Variants in SPIDR observed in about 807,000 individuals in gnomAD.
The protein encoded by SPIDR is scaffold protein involved in DNA repair.
In SPIDR, 93 loss-of-function variants were observed where a neutral mutation model predicts 104.6. The observed-to-expected ratio is 0.89, with a 90% CI of 0.75 to 1.06. The LOEUF (loss-of-function observed/expected upper bound fraction) is 1.06, where lower values mean the gene tolerates loss of function less well. SPIDR is among the 50% of genes least tolerant of loss of function. The pLI is 0.00. For synonymous variants in SPIDR, 431 were observed against 416.9 expected (o/e 1.03, Z -0.41); for missense variants, 1,154 against 1,111.2 (o/e 1.04, Z -0.55).
At chr8:47,511,375 C>T in intron 8 of SPIDR, 1 of 964,244 alleles carries the variant, frequency 1.0e-6, no homozygotes, top group Non-Finnish European at 1.7e-6. Flanking sequence ...CGGTGTCTGA[C>T]CCTCGCCAGT....
At chr8:47,442,438 G>A (rs1247422940) in intron 8 of SPIDR, among the ~76,000 whole-genome samples, 2 of 152,140 alleles carry the variant, frequency 1.3e-5, no homozygotes, top group African/African-American at 4.8e-5. Flanking sequence ...CAGATTGATA[G>A]GTTTTTTAGG....
At chr8:47,480,503 G>A (rs1207961556) in intron 8 of SPIDR, among the ~76,000 whole-genome samples, 2 of 152,218 alleles carry the variant, frequency 1.3e-5, no homozygotes, top group African/African-American at 4.8e-5. Context: ...TCTTAAAAAT[G>A]AGGAAATTCC....
chr8:47,394,952 A>G (rs902420662), intron 5 of SPIDR, among the ~76,000 whole-genome samples: 1 of 152,196 alleles, frequency 6.6e-6, no homozygotes, highest in Non-Finnish European at 1.5e-5. Context: ...TTAGAAATTT[A>G]GACATTTACT....
intron 5 of SPIDR, among the ~76,000 whole-genome samples, chr8:47,297,978 T>C (rs2041215419): frequency 1.3e-5 from 2 of 152,202 alleles, no homozygotes; most frequent in Non-Finnish European, 2.9e-5. Flanking sequence ...TACCCAGTAA[T>C]GGGATGGCTG....
intron 14 of SPIDR, among the ~76,000 whole-genome samples, chr8:47,706,121 G>A (rs905885626): frequency 5.3e-5 from 8 of 152,140 alleles, no homozygotes; most frequent in African/African-American, 1.4e-4. Context: ...AGCTGGGCGC[G>A]GTGGCTCACA....
intron 5 of SPIDR, among the ~76,000 whole-genome samples, chr8:47,306,929 G>A (rs1482604795): frequency 2.0e-5 from 3 of 152,076 alleles, no homozygotes; most frequent in Non-Finnish European, 2.9e-5. Flanking sequence ...GTTAGTATTT[G>A]CATGGAATAT....
At chr8:47,692,487 CTTTT>C (rs1171012398) in intron 11 of SPIDR, among the ~76,000 whole-genome samples, 308 of 119,270 alleles carry the variant, frequency 2.6e-3, no homozygotes, top group African/African-American at 9.7e-3. Flanking sequence ...TCAGAATTTC[CTTTT>C]TTTTTTTTTT....
At chr8:47,605,317 G>T (rs768610179) in intron 10 of SPIDR, among the ~76,000 whole-genome samples, 1 of 152,194 alleles carries the variant, frequency 6.6e-6, no homozygotes, top group Non-Finnish European at 1.5e-5. Context: ...CCAGATTTGG[G>T]AGGAGTTGCT....
rs587602689 is a variant in SPIDR at position 47,309,084 on chromosome 8, G to A, written c.525+15054G>A. ...CATCTTCCCAGAATCCTCTGATTGC[G>A]TATAAGTTACCTATAGTTGAAAGAG... On this transcript the variant is annotated intron_variant, in intron 5 of 19. Transcript: ENST00000297423. Among the ~76,000 whole-genome samples the A allele has an allele frequency of 1.3e-4, 20 of 152,290 alleles. No homozygotes were observed. The South Asian group carries it at 1.7e-3, about 13-fold the overall frequency.
At chr8:47,354,013 T>C (rs192001814) in intron 5 of SPIDR, among the ~76,000 whole-genome samples, 133 of 152,310 alleles carry the variant, frequency 8.7e-4, no homozygotes, top group African/African-American at 2.9e-3. Flanking sequence ...TTGATACTAG[T>C]ATCACATTCT....
chr8:47,392,474 T>C (rs560478711), intron 5 of SPIDR, among the ~76,000 whole-genome samples: 1 of 152,234 alleles, frequency 6.6e-6, no homozygotes, highest in Non-Finnish European at 1.5e-5. Flanking sequence ...TTCTTTATAC[T>C]GCTGTAGCAG....
At chr8:47,598,389 T>C (rs1036173999) in intron 9 of SPIDR, among the ~76,000 whole-genome samples, 1 of 152,190 alleles carries the variant, frequency 6.6e-6, no homozygotes, top group East Asian at 1.9e-4. Context: ...TAAGCATGTT[T>C]AATATGTACA....
chr8:47,336,024 T>C (rs1587216440), intron 5 of SPIDR, among the ~76,000 whole-genome samples: 1 of 152,120 alleles, frequency 6.6e-6, no homozygotes, highest in South Asian at 2.1e-4. Context: ...TTCTCAGTCA[T>C]TGTTGTTTCA....
intron 10 of SPIDR, among the ~76,000 whole-genome samples, chr8:47,648,784 A>T (rs1361851305): frequency 6.6e-6 from 1 of 152,238 alleles, no homozygotes; most frequent in Non-Finnish European, 1.5e-5. Context: ...AGAGTCCCCA[A>T]CTAGCCAAAT....
At chr8:47,711,497 T>C (rs2081882240) in intron 14 of SPIDR, among the ~76,000 whole-genome samples, 1 of 152,016 alleles carries the variant, frequency 6.6e-6, no homozygotes, top group South Asian at 2.1e-4. Flanking sequence ...TTGAGACTGC[T>C]CCTGAGTCAC....
chr8:47,463,743 A>G (rs1461026233), intron 8 of SPIDR, among the ~76,000 whole-genome samples: 2 of 152,234 alleles, frequency 1.3e-5, no homozygotes, highest in Non-Finnish European at 2.9e-5. Context: ...TACCACATTA[A>G]TGGAGTGAAG....
intron 8 of SPIDR, among the ~76,000 whole-genome samples, chr8:47,443,160 CTTTGGAA>C: frequency 6.6e-6 from 1 of 152,234 alleles, no homozygotes; most frequent in Middle Eastern, 3.4e-3. Context: ...TATCATTAGA[CTTTGGAA>C]TGTTTGTAGG....
At chr8:47,569,231 T>C (rs935351162) in intron 8 of SPIDR, among the ~76,000 whole-genome samples, 4 of 152,132 alleles carry the variant, frequency 2.6e-5, no homozygotes, top group African/African-American at 7.2e-5. Context: ...ATAACAGATA[T>C]ATATACACCT....
chr8:47,263,316 GCTTGCCC>G (rs1375159578), intron 1 of SPIDR, among the ~76,000 whole-genome samples: 3 of 152,130 alleles, frequency 2.0e-5, no homozygotes, highest in African/African-American at 7.2e-5. Context: ...CACTGTACTT[GCTTGCCC>G]CTTGGTGGTA....
Sources: allele counts gnomAD v4.1 joint callset (sites outside exome capture counted in the v4.1 genomes callset), GRCh38; gene constraint gnomAD v4.1.1; transcripts MANE v1.5; gene names NCBI Gene and HGNC (gene_info 2026-07-23, HGNC 2026-07-21).